PLIN4: variants seen among roughly 807,000 people sequenced by gnomAD.
PLIN4 encodes the protein perilipin-4.
In PLIN4, 57 loss-of-function variants were observed where a neutral mutation model predicts 52.4. That is an observed-to-expected ratio of 1.09 (90% confidence interval 0.88 to 1.36). The LOEUF (loss-of-function observed/expected upper bound fraction) is 1.36. Among genes scored for constraint, PLIN4 ranks in the 40% most tolerant of loss-of-function variants. PLIN4 has a pLI of 0.00. For synonymous variants in PLIN4, 826 were observed against 785.4 expected, an observed-to-expected ratio of 1.05 and a Z score of -0.86; for missense variants, 1,757 against 1,770.3, an observed-to-expected ratio of 0.99 and a Z score of 0.13.
intron 4 of PLIN4, 92 bp from the exon 5 acceptor site, chr19:4,513,793 G>C: frequency 6.9e-7 from 1 of 1,446,810 alleles, no homozygotes. Flanking sequence ...GTGTGCTTTG[G>C]GGCAAGGAAC....
rs763751656 is a variant in PLIN4, at chr19:4,512,050, C to T, written c.1910G>A (p.Gly637Glu). Residue 637 changes from glycine (G) to glutamate (E), a missense_variant, in exon 5 of 8, where the codon GGG becomes GAG. By Grantham distance (98) the Gly-to-Glu change is moderately conservative. Transcript: ENST00000301286. ...LTGTKDTIYSGVTSAVNVAKG... is the reference protein window; with the variant it reads ...LTGTKDTIYSEVTSAVNVAKG... ...GGCCACGTTCACGGCACTGGTGACCCCACTGTAGATGGTGTCCTTGGTACC... is the reference window on the plus strand; with the variant it reads ...GGCCACGTTCACGGCACTGGTGACCTCACTGTAGATGGTGTCCTTGGTACC... 1.2e-6 allele frequency: 2 copies of T among 1,612,652 alleles called. 1 individual carries two copies. The highest frequency in any genetic ancestry group is 2.7e-5 in the African/African-American group (2 of 74,160).
At chr19:4,506,766 T>C (rs1350949667) in intron 6 of PLIN4, among the ~76,000 whole-genome samples, 8 of 152,258 alleles carry the variant, frequency 5.3e-5, no homozygotes, top group Non-Finnish European at 8.8e-5. Flanking sequence ...AAATGCTTTG[T>C]GATCAGCCGC....
chr19:4,515,292 C>T (rs1315563764), intron 4 of PLIN4, among the ~76,000 whole-genome samples: 2 of 151,834 alleles, frequency 1.3e-5, no homozygotes, highest in Non-Finnish European at 2.9e-5. Context: ...TTTTTTGAAA[C>T]AGAGTCTCAC....
chr19:4,510,776 T>C lies in PLIN4; in HGVS notation c.3184A>G (p.Thr1062Ala), dbSNP rs769241630. 5.7e-6 allele frequency: 9 copies of C among 1,579,622 alleles called. No individual in the cohort carries two copies. In the African/African-American group the frequency reaches 1.2e-4, roughly 21 times the overall value. Reference protein sequence around the residue: ...FQNWLPSTPATSWGGLTSSRT... With the variant: ...FQNWLPSTPAASWGGLTSSRT... ...GAACTGGTGAGTCCACCCCAGGAGG[T>C]GGCGGGGGTACTAGGTAACCAGTTC... The change falls in exon 5 of 8, where the codon ACC (threonine) becomes GCC (alanine). Residue 1062 changes from threonine (T) to alanine (A), a missense_variant. Coordinates refer to ENST00000301286, the MANE Select transcript of PLIN4 (RefSeq NM_001367868.2).
chr19:4,511,180 G>T lies in PLIN4; in HGVS notation c.2780C>A (p.Thr927Asn), dbSNP rs1303293210. ...VDTSKTVLTG[T>N]KDTVCSGVTG... ...GACTCCACTGCAGACGGTGTCCTTG[G>T]TACCGGTCAGGACAGTCTTGCTGGT... is the stretch of plus-strand genomic sequence containing the variant. The change falls in exon 5 of 8, where the codon ACC becomes AAC. Residue 927 changes from threonine to asparagine, a missense_variant. Physicochemically the swap from Thr to Asn is moderately conservative, Grantham distance 65. This residue lies in a region of PLIN4 where 712 missense variants were observed against 637.1 expected (regional missense o/e 1.12). Transcript: ENST00000301286. The T allele has an allele frequency of 6.2e-6, 10 of 1,612,300 alleles. No individual in the cohort carries two copies. In the Admixed American group the frequency reaches 1.7e-4, roughly 27 times the overall value.
At chr19:4,518,363 G>A (rs1976646492) in intron 1 of PLIN4, 22 bp downstream of exon 1, 3 of 1,231,538 alleles carry the variant, frequency 2.4e-6, no homozygotes, top group African/African-American at 1.6e-5. Context: ...CCCACTGAAA[G>A]CCTGAGCAGC....
chr19:4,514,112 G>C (rs1409849324), intron 4 of PLIN4, among the ~76,000 whole-genome samples: 1 of 152,212 alleles, frequency 6.6e-6, no homozygotes, highest in Non-Finnish European at 1.5e-5. Context: ...CAAATGTTGA[G>C]CCTGGCGTCC....
chr19:4,516,846 A>G (rs1425486971), intron 3 of PLIN4, among the ~76,000 whole-genome samples, 168 bp from the exon 4 acceptor site: 1 of 151,590 alleles, frequency 6.6e-6, no homozygotes, highest in Non-Finnish European at 1.5e-5. Flanking sequence ...AGACCTGGTC[A>G]CCCCCCAACC....
intron 5 of PLIN4, among the ~76,000 whole-genome samples, chr19:4,509,687 C>T (rs1290395331): frequency 1.3e-5 from 2 of 152,016 alleles, no homozygotes; most frequent in Non-Finnish European, 2.9e-5. Context: ...TGCCTGTAAT[C>T]CCAGCACTTT....
rs776258471 is a variant in PLIN4, at chr19:4,511,681, G to C, written c.2279C>G (p.Thr760Ser). Residue 760 changes from threonine (T) to serine (S), a missense_variant, in exon 5 of 8, where the codon ACT becomes AGT. Thr to Ser is a moderately conservative substitution (Grantham distance 58). Coordinates refer to ENST00000301286, the MANE Select transcript of PLIN4 (RefSeq NM_001367868.2). ...AGTGGACACAGCATCTTTAGTGCCA[G>C]TCAGGACAGACTTTGTAGTGTCCAG... ...GGLDTTKSVL[T>S]GTKDAVSTGL... The C allele has an allele frequency of 1.7e-6, 2 of 1,191,654 alleles. No individual in the cohort carries two copies. Among genetic ancestry groups the C allele is most frequent in the African/African-American group, 3.0e-5 (2 of 66,934 alleles). 73.8% of individuals were successfully genotyped at this position (1,191,654 alleles called of 1,614,324 possible).
chr19:4,502,380 G>T lies in PLIN4; in HGVS notation c.*2079C>A. On this transcript the variant is annotated 3_prime_UTR_variant, in exon 8 of 8. Transcript: ENST00000301286. ...CCAGCCCAACCCTGAAAGGCCAGTGGCAGGAGAGCTGGGCGGGAGCAAGCT... is the reference window on the plus strand; with the variant it reads ...CCAGCCCAACCCTGAAAGGCCAGTGTCAGGAGAGCTGGGCGGGAGCAAGCT... The T allele has an allele frequency of 2.8e-6, 1 of 356,752 alleles. No homozygotes were observed. Among genetic ancestry groups the T allele is most frequent in the Non-Finnish European group, 5.3e-6 (1 of 190,248 alleles). The allele number at this position is 356,752 out of a possible 1,614,324, so 22.1% of individuals were successfully genotyped here.
At position 4,512,538 on chromosome 19, in the gene PLIN4, G is replaced by A. The variant is rs180803971; in HGVS notation, c.1422C>T (p.Thr474=). The change falls in exon 5 of 8, where the codon ACC becomes ACT. Residue 474 remains threonine, a synonymous_variant. Transcript: ENST00000301286. ...GTKDTVCSGV[T]GAANVAKGAV... ...CCCCTTTGGCCACATTCGCAGCACC[G>A]GTGACCCCACTGCAGACAGTGTCCT... The A allele has an allele frequency of 1.6e-3, 2,637 of 1,608,814 alleles. 4 individuals carry two copies. Among genetic ancestry groups the A allele is most frequent in the Non-Finnish European group, 2.1e-3 (2,455 of 1,177,040 alleles).
chr19:4,502,805 T>C lies in PLIN4; in HGVS notation c.*1654A>G, dbSNP rs968429132. The C allele has an allele frequency of 3.9e-5, 6 of 152,752 alleles. No individual in the cohort carries two copies. Among genetic ancestry groups the C allele is most frequent in the Non-Finnish European group, 7.3e-5 (5 of 68,404 alleles). The allele number at this position is 152,752 out of a possible 1,614,324, so 9.5% of individuals were successfully genotyped here. A position where few individuals can be genotyped will look rare whatever the true frequency, so the allele number is the denominator to read the frequency against. The stretch of plus-strand genomic sequence containing the variant: ...AAGCAAGTCACCCCGTGCTCCGAAG[T>C]TGCTCATTCCACAGTGGCGTCTCGT... On this transcript the variant is annotated 3_prime_UTR_variant, in exon 8 of 8. Coordinates refer to ENST00000301286, the MANE Select transcript of PLIN4 (RefSeq NM_001367868.2).
chr19:4,513,786 T>C, intron 4 of PLIN4, 85 bp from the exon 5 acceptor site: 1 of 1,455,104 alleles, frequency 6.9e-7, no homozygotes, highest in Non-Finnish European at 9.1e-7. Context: ...CCCCCTAGTG[T>C]GCTTTGGGGC....
rs547521345 is a variant in PLIN4 at position 4,513,457 on chromosome 19, G to T, written c.503C>A (p.Thr168Asn). Residue 168 changes from threonine (T) to asparagine (N), a missense_variant, in exon 5 of 8, where the codon ACC (threonine) becomes AAC (asparagine). Physicochemically the swap from Thr to Asn is moderately conservative, Grantham distance 65. Around this residue, in one of 7 missense-constraint regions of PLIN4, gnomAD observed 332 missense variants for 310.8 expected, o/e 1.07. Coordinates refer to ENST00000301286, the MANE Select transcript of PLIN4 (RefSeq NM_001367868.2). The stretch of plus-strand genomic sequence containing the variant: ...GAGCCCAGTGGACACCGTGTCCTTG[G>T]TGCCGGTGAGGACAGCCTTCGAGGT... ...LDTSKAVLTG[T>N]KDTVSTGLTG... 2 of 1,613,462 alleles carry T rather than the reference G, an allele frequency of 1.2e-6. No homozygotes were observed. Among genetic ancestry groups the T allele is most frequent in the East Asian group, 2.2e-5 (1 of 44,890 alleles).
rs754418483 is a variant in PLIN4, at chr19:4,517,573, A to C, written c.177T>G (p.Ala59=). ...ADPTGAPAAE[A]AQPQAQVAAH... ...ACTCACCCTGAGCCTGTGGTTGGGC[A>C]GCCTCGGCAGCAGGCGCTCCTGTGG... Residue 59 remains alanine (A), a synonymous_variant, in exon 3 of 8, where the codon GCT becomes GCG. Transcript: ENST00000301286. The C allele has an allele frequency of 1.2e-6, 2 of 1,609,812 alleles. No individual in the cohort carries two copies. Among genetic ancestry groups the C allele is most frequent in the Admixed American group, 3.3e-5 (2 of 59,882 alleles).
chr19:4,513,403 G>T lies in PLIN4; in HGVS notation c.557C>A (p.Thr186Asn). The change falls in exon 5 of 8, where the codon ACC becomes AAC. Residue 186 changes from threonine to asparagine, a missense_variant. Around this residue, in one of 7 missense-constraint regions of PLIN4, gnomAD observed 332 missense variants for 310.8 expected, o/e 1.07. Transcript: ENST00000301286. ...LTGAVNVAKG[T>N]VQAGVDTTKT... ...GGTGGTGTCCACACCGGCCTGTACG[G>T]TCCCTTTGGCCACATTCACTGCCCC... 1 of 1,611,728 alleles carries T rather than the reference G, an allele frequency of 6.2e-7. No individual in the cohort carries two copies. The highest frequency in any genetic ancestry group is 1.3e-5 in the African/African-American group (1 of 74,380).
At position 4,512,273 on chromosome 19, in the gene PLIN4, C is replaced by T; in HGVS notation, c.1687G>A (p.Gly563Ser). The T allele has an allele frequency of 1.9e-6, 3 of 1,612,558 alleles. No individual in the cohort carries two copies. The highest frequency in any genetic ancestry group is 2.5e-6 in the Non-Finnish European group (3 of 1,179,754). Residue 563 changes from glycine (G) to serine (S), a missense_variant, in exon 5 of 8, where the codon GGT becomes AGT. By Grantham distance (56) the Gly-to-Ser change is moderately conservative. Transcript: ENST00000301286. ...CCAGTGGACATCGTGTCTTTTGTACCTATGACCACAGACTTGGTGGTGTCC... is the reference window on the plus strand; with the variant it reads ...CCAGTGGACATCGTGTCTTTTGTACTTATGACCACAGACTTGGTGGTGTCC... ...GLDTTKSVVI[G>S]TKDTMSTGLT...
chr19:4,504,472 G>A lies in PLIN4; in HGVS notation c.4103C>T (p.Ala1368Val). 6.3e-7 allele frequency: 1 copy of A among 1,579,472 alleles called. No individual in the cohort carries two copies. Among genetic ancestry groups the A allele is most frequent in the Non-Finnish European group, 8.6e-7 (1 of 1,160,124 alleles). ...AGGCTCCTACAGCTACTGCCCGCCAGCGGGCAAGGCGAAGGGCCCTACCAG... is the reference window on the plus strand; with the variant it reads ...AGGCTCCTACAGCTACTGCCCGCCAACGGGCAAGGCGAAGGGCCCTACCAG... ...SWLVGPFALP[A>V]GGQ Residue 1368 changes from alanine to valine, a missense_variant, in exon 8 of 8, where the codon GCT (alanine) becomes GTT (valine). Physicochemically the swap from Ala to Val is moderately conservative, Grantham distance 64. Transcript: ENST00000301286.
Sources: allele counts gnomAD v4.1 joint callset (sites outside exome capture counted in the v4.1 genomes callset), GRCh38; gene constraint gnomAD v4.1.1; regional missense constraint gnomAD v4.1.1; transcripts MANE v1.5; gene names NCBI Gene and HGNC (gene_info 2026-07-23, HGNC 2026-07-21).